The following IKZF4 variants were observed in gnomAD, a reference collection of about 807,000 sequenced individuals.
IKZF4 encodes IKAROS family zinc finger 4.
In IKZF4, 11 loss-of-function variants were observed where a neutral mutation model predicts 47.7. The observed-to-expected ratio is 0.23, with a 90% CI of 0.15 to 0.38. IKZF4 has a LOEUF of 0.38. IKZF4 is among the 10% of genes least tolerant of loss of function. IKZF4 has a pLI of 1.00. For missense variants in IKZF4, 557 were observed against 784.9 expected (o/e 0.71, Z 3.47); for synonymous variants, 298 against 299.4 (o/e 1.00, Z 0.05).
chr12:56,021,234 C>A lies in IKZF4; in HGVS notation c.-260C>A. The A allele has an allele frequency of 6.9e-7, 1 of 1,456,246 alleles. No homozygotes were observed. Among genetic ancestry groups the A allele is most frequent in the African/African-American group, 1.4e-5 (1 of 70,544 alleles). 90.2% of individuals were successfully genotyped at this position (1,456,246 alleles called of 1,614,324 possible). On this transcript the variant is annotated 5_prime_UTR_variant, in exon 1 of 8. Transcript: ENST00000547167. The stretch of plus-strand genomic sequence containing the variant: ...CATATACATTCTCTCCAGCCCCCTC[C>A]CCAAGCACATCCAAGCGTGCTCTCC...
chr12:56,018,181 T>C (rs1291013426), upstream of IKZF4: 18 of 1,289,310 alleles, frequency 1.4e-5, no homozygotes, highest in Middle Eastern at 2.1e-4. Context: ...GTGTCTGGTA[T>C]GCCTTCTGTG....
At chr12:56,027,432 A>G (rs149404839) in intron 4 of IKZF4, among the ~76,000 whole-genome samples, 41 of 147,742 alleles carry the variant, frequency 2.8e-4, no homozygotes, top group African/African-American at 9.9e-4. Context: ...AACAACAACA[A>G]CAACAAAACA....
upstream of IKZF4, chr12:56,018,066 G>T (rs1892363098): frequency 8.9e-7 from 1 of 1,125,476 alleles, no homozygotes; most frequent in Non-Finnish European, 1.2e-6. Context: ...GAATATTAAA[G>T]AAAAGCCTCC....
At chr12:56,021,673 T>TGGAGA in intron 1 of IKZF4, 93 bp downstream of exon 1, 1 of 1,305,664 alleles carries the variant, frequency 7.7e-7, no homozygotes, top group South Asian at 1.3e-5. Context: ...CCTGAGGAGA[T>TGGAGA]GGAGAGGATG....
intron 1 of IKZF4, 149 bp downstream of exon 1, chr12:56,021,729 T>TGTGG: frequency 1.7e-6 from 2 of 1,156,230 alleles, no homozygotes; most frequent in Non-Finnish European, 1.2e-6. Flanking sequence ...TGTGTGTGTG[T>TGTGG]GTAGCGGGGG....
upstream of IKZF4, among the ~76,000 whole-genome samples, chr12:56,016,281 C>T (rs1892046688): frequency 2.6e-5 from 4 of 152,258 alleles, no homozygotes; most frequent in South Asian, 6.2e-4. Context: ...ATCCATCTGC[C>T]TCAGTGAGAT....
Position 56,027,056 on chromosome 12 carries a change from G to A in IKZF4, c.547+15G>A. 2 of 1,493,410 alleles carry A rather than the reference G, an allele frequency of 1.3e-6. No individual in the cohort carries two copies. The highest frequency in any genetic ancestry group is 1.8e-6 in the Non-Finnish European group (2 of 1,118,432). The allele number at this position is 1,493,410 out of a possible 1,614,324, so 92.5% of individuals were successfully genotyped here. A position where few individuals can be genotyped will look rare whatever the true frequency, so the allele number is the denominator to read the frequency against. ...CAGTCACACTGGTAAGTAAGCCAGAGGGGCTCTGGGAGGAGCTCCCAGGGT... is the reference window on the plus strand; with the variant it reads ...CAGTCACACTGGTAAGTAAGCCAGAAGGGCTCTGGGAGGAGCTCCCAGGGT... On this transcript the variant is annotated intron_variant, in intron 4 of 7. Transcript: ENST00000547167.
In IKZF4 at chr12:56,021,439, G is replaced by A. The variant is rs910141042; in HGVS notation, c.-55G>A. ...GTTCCCCTCACTTCCAGGAATCCAC[G>A]CTTCCTGGAAGGTGAGTGGCTGGGC... On this transcript the variant is annotated 5_prime_UTR_variant, in exon 1 of 8. Coordinates refer to ENST00000547167, the MANE Select transcript of IKZF4 (RefSeq NM_022465.4). 6.4e-6 allele frequency: 10 copies of A among 1,554,888 alleles called. No individual in the cohort carries two copies. Among genetic ancestry groups the A allele is most frequent in the South Asian group, 2.4e-5 (2 of 84,392 alleles).
intron 7 of IKZF4, among the ~76,000 whole-genome samples, 170 bp from the exon 8 acceptor site, chr12:56,034,401 T>C (rs1301400690): frequency 6.6e-6 from 1 of 152,162 alleles, no homozygotes; most frequent in Non-Finnish European, 1.5e-5. Context: ...TCTAAGATTA[T>C]AGCCTAGAGT....
Position 56,035,658 on chromosome 12 carries a change from G to C in IKZF4, c.*327G>C. The C allele has an allele frequency of 4.5e-6, 1 of 220,596 alleles. No homozygotes were observed. Among genetic ancestry groups the C allele is most frequent in the Admixed American group, 5.2e-5 (1 of 19,250 alleles). The allele number at this position is 220,596 out of a possible 1,614,324, so 13.7% of individuals were successfully genotyped here. A position where few individuals can be genotyped will look rare whatever the true frequency, so the allele number is the denominator to read the frequency against. On this transcript the variant is annotated 3_prime_UTR_variant, in exon 8 of 8. Transcript: ENST00000547167. This position sits in a 1 kb window ranked among gnomAD's most constrained non-coding sequence, Gnocchi z 6.1. ...TCACTTGCCACTCCCCCACCCTCCTGTCCACAACTCCTTTCCACTTTAGGC... is the reference window on the plus strand; with the variant it reads ...TCACTTGCCACTCCCCCACCCTCCTCTCCACAACTCCTTTCCACTTTAGGC...
chr12:56,034,077 A>G (rs1895338005), intron 7 of IKZF4, among the ~76,000 whole-genome samples: 1 of 151,704 alleles, frequency 6.6e-6, no homozygotes, highest in African/African-American at 2.4e-5. Context: ...TTTTTTTTGT[A>G]TTTTTAGTAG....
At chr12:56,030,598 G>A (rs778833541) in intron 5 of IKZF4, among the ~76,000 whole-genome samples, 1 of 151,944 alleles carries the variant, frequency 6.6e-6, no homozygotes, top group Non-Finnish European at 1.5e-5. Flanking sequence ...GCGTGGTGGC[G>A]CATGCCTGTA....
chr12:56,021,039 G>A (rs1490434019), upstream of IKZF4: 2 of 992,250 alleles, frequency 2.0e-6, no homozygotes, highest in Non-Finnish European at 2.4e-6. Context: ...TCTCTCTCTT[G>A]CACACACTCT....
At chr12:56,008,955 G>C (rs1891032722) in intron 1 of IKZF4, among the ~76,000 whole-genome samples, 2 of 152,144 alleles carry the variant, frequency 1.3e-5, no homozygotes, top group South Asian at 4.1e-4. Flanking sequence ...GGGATTACAG[G>C]CATGAGCCAC....
rs746477900 is a variant in IKZF4 at position 56,033,179 on chromosome 12, C to G, written c.866-11C>G. ...CAACTGCTACTACTGTCTCCACCTTCTTCCCACTAGGTGACGAAATACGTG... is the reference window on the plus strand; with the variant it reads ...CAACTGCTACTACTGTCTCCACCTTGTTCCCACTAGGTGACGAAATACGTG... On this transcript the variant is annotated splice_polypyrimidine_tract_variant and intron_variant, in intron 6 of 7. Coordinates refer to ENST00000547167, the MANE Select transcript of IKZF4 (RefSeq NM_022465.4). 28 of 1,613,542 alleles carry G rather than the reference C, an allele frequency of 1.7e-5. No individual in the cohort carries two copies. The South Asian group carries it at 3.0e-4, about 17-fold the overall frequency.
intron 7 of IKZF4, 83 bp from the exon 8 acceptor site, chr12:56,034,488 C>T: frequency 7.1e-7 from 1 of 1,402,782 alleles, no homozygotes; most frequent in Non-Finnish European, 9.7e-7. Context: ...CCCAGCCCCA[C>T]AGGTAAAAAA....
At chr12:56,010,313 C>T (rs565391988) in intron 1 of IKZF4, 2 of 152,242 alleles carry the variant, frequency 1.3e-5, no homozygotes, top group South Asian at 4.1e-4. Flanking sequence ...CAGACAAAGG[C>T]ATCTAAGAAA....
At chr12:56,023,627 G>A in intron 1 of IKZF4, 44 bp from the exon 2 acceptor site, 2 of 1,603,964 alleles carry the variant, frequency 1.2e-6, no homozygotes, top group Non-Finnish European at 8.5e-7. Flanking sequence ...AATGGGAAAT[G>A]GTCCCAAAGT....
Position 56,027,910 on chromosome 12 carries a change from G to A in IKZF4, c.678G>A (p.Arg226=). ...CCTTCTGCAACTATGCCTGCCGCCG[G>A]CGTGATGCACTCACTGGTCACCTCC... The part of the protein sequence containing the change: ...KCPFCNYACR[R]RDALTGHLRT... Residue 226 remains arginine (R), a synonymous_variant, in exon 5 of 8, where the codon CGG becomes CGA. Coordinates refer to ENST00000547167, the MANE Select transcript of IKZF4 (RefSeq NM_022465.4). 6.3e-7 allele frequency: 1 copy of A among 1,587,036 alleles called. No homozygotes were observed. The highest frequency in any genetic ancestry group is 8.6e-7 in the Non-Finnish European group (1 of 1,166,496).
Sources: gnomAD v4.1 joint callset for allele counts (sites outside exome capture counted in the v4.1 genomes callset) on GRCh38, gnomAD v4.1.1 for gene constraint, Gnocchi (gnomAD v3.1) non-coding constraint, MANE v1.5 for transcripts, NCBI Gene and HGNC (gene_info 2026-07-23, HGNC 2026-07-21) for gene names.